Variants in ZNF235 observed in about 807,000 individuals in gnomAD.
The protein encoded by ZNF235 is zinc finger protein 235.
Under a neutral mutation model 29.4 loss-of-function variants are expected in ZNF235, and 25 were observed. That is an observed-to-expected ratio of 0.85 (90% CI 0.62 to 1.19). The LOEUF (loss-of-function observed/expected upper bound fraction) is 1.19. Among genes scored for constraint, ZNF235 ranks in the 50% most tolerant of loss-of-function variants. ZNF235 has a pLI of 0.00. For synonymous variants in ZNF235, 300 were observed against 295.3 expected (o/e 1.02, Z -0.16); for missense variants, 788 against 885.0 (o/e 0.89, Z 1.39).
At chr19:44,303,864 G>A (rs191727785) in intron 1 of ZNF235, among the ~76,000 whole-genome samples, 1 of 152,244 alleles carries the variant, frequency 6.6e-6, no homozygotes, top group East Asian at 1.9e-4. Context: ...CTGTGAATGG[G>A]GACAATAATA....
At chr19:44,293,736 C>G (rs1380932872) in intron 4 of ZNF235, among the ~76,000 whole-genome samples, 1 of 151,962 alleles carries the variant, frequency 6.6e-6, no homozygotes, top group Non-Finnish European at 1.5e-5. Flanking sequence ...CACACCTCAG[C>G]AGAATAAAAC....
Position 44,289,150 on chromosome 19 carries a change from T to G in ZNF235, c.285A>C (p.Leu95Phe). The G allele has an allele frequency of 6.2e-7, 1 of 1,614,014 alleles. No individual in the cohort carries two copies. The highest frequency in any genetic ancestry group is 2.2e-5 in the East Asian group (1 of 44,878). ...AAAGCTCTCCCAGTGAAAAGCACCT[T>G]AATCCTGCTTTGTGAAGAGTTGCCA... ...NEMATLHKAG[L>F]RCFSLGELSC... The change falls in exon 5 of 5, where the codon TTA (leucine) becomes TTC (phenylalanine). Residue 95 changes from leucine (L) to phenylalanine (F), a missense_variant. Coordinates refer to ENST00000291182, the MANE Select transcript of ZNF235 (RefSeq NM_004234.4).
rs777337098 is a variant in ZNF235 at position 44,287,366 on chromosome 19, T to C, written c.2069A>G (p.Lys690Arg). The change falls in exon 5 of 5, where the codon AAG becomes AGG. Residue 690 changes from lysine to arginine, a missense_variant. Physicochemically the swap from Lys to Arg is conservative, Grantham distance 26 (BLOSUM62 2). Transcript: ENST00000291182. Reference sequence around the variant, plus strand: ...AAAATGTGAGGCCTGACTGAAGCCCTTCCCACACTGCTGACACGTATAGGG... The same window carrying C: ...AAAATGTGAGGCCTGACTGAAGCCCCTCCCACACTGCTGACACGTATAGGG... ...EKPYTCQQCGKGFSQASHFHT... is the reference protein window; with the variant it reads ...EKPYTCQQCGRGFSQASHFHT... 1.9e-6 allele frequency: 3 copies of C among 1,614,130 alleles called. No individual in the cohort carries two copies. The highest frequency in any genetic ancestry group is 2.5e-6 in the Non-Finnish European group (3 of 1,180,000).
Position 44,292,829 on chromosome 19 carries a change from A to C in ZNF235, c.239-3633T>G, listed in dbSNP as rs564182830. Among the ~76,000 whole-genome samples, 3 of 152,232 alleles carry C rather than the reference A, an allele frequency of 2.0e-5. No individual in the cohort carries two copies. The East Asian group carries it at 5.8e-4, about 29-fold the overall frequency. ...GGTTTATATGAAGGATAAAATCCTAAAATCAGCAAGAGAAAAGTGTTTAGT... is the reference window on the plus strand; with the variant it reads ...GGTTTATATGAAGGATAAAATCCTACAATCAGCAAGAGAAAAGTGTTTAGT... On this transcript the variant is annotated intron_variant, in intron 4 of 4. Coordinates refer to ENST00000291182, the MANE Select transcript of ZNF235 (RefSeq NM_004234.4).
chr19:44,304,512 T>A (rs1975802196), intron 1 of ZNF235, among the ~76,000 whole-genome samples: 1 of 150,356 alleles, frequency 6.7e-6, no homozygotes, highest in Non-Finnish European at 1.5e-5. Context: ...CTCAGAGGAG[T>A]TTCCAAACAA....
chr19:44,303,497 A>C, intron 1 of ZNF235, 45 bp from the exon 2 acceptor site: 1 of 1,545,818 alleles, frequency 6.5e-7, no homozygotes, highest in South Asian at 1.2e-5. Context: ...GGATGGCATT[A>C]GTCACCATGG....
intron 4 of ZNF235, among the ~76,000 whole-genome samples, chr19:44,297,839 T>G (rs1975675450): frequency 6.6e-6 from 1 of 152,062 alleles, no homozygotes; most frequent in Non-Finnish European, 1.5e-5. Flanking sequence ...GAAGAGGGGC[T>G]GGGCGCAGTG....
In ZNF235 at chr19:44,287,298, A is replaced by G. The variant is rs893729889; in HGVS notation, c.2137T>C (p.Cys713Arg). 6.2e-7 allele frequency: 1 copy of G among 1,613,392 alleles called. No individual in the cohort carries two copies. Among genetic ancestry groups the G allele is most frequent in the Non-Finnish European group, 8.5e-7 (1 of 1,179,618 alleles). The stretch of plus-strand genomic sequence containing the variant: ...CTGAAGCCCTTACAACAGACATCAC[A>G]TATGTAAGGCCTCTCTCCAGTGTGG... ...RVHTGERPYI[C>R]DVCCKGFSQR... The change falls in exon 5 of 5, where the codon TGT (cysteine) becomes CGT (arginine). Residue 713 changes from cysteine to arginine, a missense_variant. Physicochemically the swap from Cys to Arg is radical, Grantham distance 180. Coordinates refer to ENST00000291182, the MANE Select transcript of ZNF235 (RefSeq NM_004234.4).
intron 4 of ZNF235, among the ~76,000 whole-genome samples, chr19:44,295,358 A>T (rs1378485523): frequency 1.3e-5 from 2 of 152,194 alleles, no homozygotes; most frequent in African/African-American, 4.8e-5. Flanking sequence ...CAAAAAAATT[A>T]AAATACCTAG....
intron 4 of ZNF235, among the ~76,000 whole-genome samples, chr19:44,292,684 T>C (rs942432280): frequency 1.3e-5 from 2 of 151,930 alleles, no homozygotes; most frequent in African/African-American, 4.8e-5. Flanking sequence ...AAGGAAATAA[T>C]TGAGGAAAAC....
Position 44,286,954 on chromosome 19 carries a change from C to G in ZNF235, c.*264G>C. 1 of 354,762 alleles carries G rather than the reference C, an allele frequency of 2.8e-6. No homozygotes were observed. Among genetic ancestry groups the G allele is most frequent in the Non-Finnish European group, 5.1e-6 (1 of 196,864 alleles). The allele number at this position is 354,762 out of a possible 1,614,324, so 22.0% of individuals were successfully genotyped here. ...ACAAGACTTTTCTGCTGTGTTACATCTTGAGAACCGGGACACCTGGTACTC... is the reference window on the plus strand; with the variant it reads ...ACAAGACTTTTCTGCTGTGTTACATGTTGAGAACCGGGACACCTGGTACTC... On this transcript the variant is annotated 3_prime_UTR_variant, in exon 5 of 5. Transcript: ENST00000291182.
At position 44,299,716 on chromosome 19, in the gene ZNF235, T is replaced by C; in HGVS notation, c.32A>G (p.Lys11Arg). 6.2e-7 allele frequency: 1 copy of C among 1,614,074 alleles called. No homozygotes were observed. The change falls in exon 3 of 5, where the codon AAG becomes AGG. Residue 11 changes from lysine to arginine, a missense_variant. Transcript: ENST00000291182. ...CTCAGTGAAGGCCACAGCCACATCC[T>C]TGAATGTCACTGCCTCCTAGAACAT... MTKFQEAVTF[K>R]DVAVAFTEEE...
chr19:44,299,806 A>G, intron 2 of ZNF235, 74 bp from the exon 3 acceptor site: 1 of 1,608,152 alleles, frequency 6.2e-7, no homozygotes, highest in Non-Finnish European at 8.5e-7. Context: ...CTTTCTGTAG[A>G]GTTACTATTC....
chr19:44,294,689 C>G (rs1359674142), intron 4 of ZNF235, among the ~76,000 whole-genome samples: 2 of 151,278 alleles, frequency 1.3e-5, no homozygotes. Context: ...CAAATCCCCC[C>G]ACAAAACCCC....
chr19:44,289,440 G>C, intron 4 of ZNF235: 1 of 407,012 alleles, frequency 2.5e-6, no homozygotes. Flanking sequence ...TGTATCTTGG[G>C]TCTTTTCTGA....
chr19:44,296,204 C>T (rs935405591), intron 4 of ZNF235, among the ~76,000 whole-genome samples: 1 of 152,126 alleles, frequency 6.6e-6, no homozygotes, highest in African/African-American at 2.4e-5. Flanking sequence ...GGTGATATGA[C>T]ATTCTCCAGC....
chr19:44,300,733 G>A (rs1020435299), intron 2 of ZNF235, among the ~76,000 whole-genome samples: 5 of 151,690 alleles, frequency 3.3e-5, no homozygotes, highest in African/African-American at 2.4e-5. Context: ...CCAGCTACTC[G>A]GGGGGCTGAG....
chr19:44,287,700 C>G lies in ZNF235; in HGVS notation c.1735G>C (p.Gly579Arg). Residue 579 changes from glycine (G) to arginine (R), a missense_variant, in exon 5 of 5, where the codon GGT (glycine) becomes CGT (arginine). By Grantham distance (125) the Gly-to-Arg change is moderately radical. Transcript: ENST00000291182. ...TGAAGATTTGAAGCCTGACTGAAAC[C>G]CTTACCACACTCTTCACATTTGTAG... ...KPYKCEECGKGFSQASNLQAH... is the reference protein window; with the variant it reads ...KPYKCEECGKRFSQASNLQAH... 1 of 1,614,006 alleles carries G rather than the reference C, an allele frequency of 6.2e-7. No homozygotes were observed. Among genetic ancestry groups the G allele is most frequent in the Non-Finnish European group, 8.5e-7 (1 of 1,179,974 alleles).
rs772200453 is a variant in ZNF235 at position 44,303,441 on chromosome 19, G to A, written c.-37C>T. On this transcript the variant is annotated 5_prime_UTR_variant, in exon 2 of 5. Coordinates refer to ENST00000291182, the MANE Select transcript of ZNF235 (RefSeq NM_004234.4). ...TCCTTCTGGGAAAAGGCAGAGTTCCGGGGAAGTGAACCTGAGGGAGGGAAA... is the reference window on the plus strand; with the variant it reads ...TCCTTCTGGGAAAAGGCAGAGTTCCAGGGAAGTGAACCTGAGGGAGGGAAA... The A allele has an allele frequency of 2.5e-6, 4 of 1,607,128 alleles. No individual in the cohort carries two copies. Among genetic ancestry groups the A allele is most frequent in the East Asian group, 2.2e-5 (1 of 44,492 alleles).
Sources: gnomAD v4.1 joint callset for allele counts (sites outside exome capture counted in the v4.1 genomes callset) on GRCh38, gnomAD v4.1.1 for gene constraint, MANE v1.5 for transcripts, NCBI Gene and HGNC (gene_info 2026-07-23, HGNC 2026-07-21) for gene names.